Variants in STPG2 observed in about 807,000 individuals in gnomAD.
The protein encoded by STPG2 is sperm-tail PG-rich repeat-containing protein 2.
Under a neutral mutation model 54.2 loss-of-function variants are expected in STPG2, and 56 were observed. The observed-to-expected ratio is 1.03, with a 90% CI of 0.83 to 1.29. The LOEUF is 1.29. STPG2 is among the 50% of genes most tolerant of loss of function. The probability of loss-of-function intolerance (pLI) is 0.00; values close to 1 mark genes in which losing one functional copy is unlikely to be tolerated. For synonymous variants in STPG2, 200 were observed against 181.8 expected, an observed-to-expected ratio of 1.10 and a Z score of -0.81; for missense variants, 596 against 544.9, an observed-to-expected ratio of 1.09 and a Z score of -0.93.
At chr4:97,812,450 T>G (rs1049153215) in intron 9 of STPG2, among the ~76,000 whole-genome samples, 2 of 152,152 alleles carry the variant, frequency 1.3e-5, no homozygotes, top group Admixed American at 1.3e-4. Context: ...TAAAATTGGA[T>G]ATCATAAAGT....
chr4:97,690,481 A>G (rs1331577104), intron 10 of STPG2, among the ~76,000 whole-genome samples: 4 of 152,150 alleles, frequency 2.6e-5, no homozygotes, highest in Non-Finnish European at 5.9e-5. Flanking sequence ...TCCTATGTAT[A>G]TAAACTGAGG....
At chr4:97,809,340 A>G (rs1348082664) in intron 9 of STPG2, among the ~76,000 whole-genome samples, 1 of 152,186 alleles carries the variant, frequency 6.6e-6, no homozygotes, top group Non-Finnish European at 1.5e-5. Flanking sequence ...GCAGAATTCT[A>G]AAGAAACCCC....
intron 10 of STPG2, among the ~76,000 whole-genome samples, chr4:97,645,478 C>T (rs1303085843): frequency 1.3e-5 from 2 of 152,100 alleles, no homozygotes; most frequent in African/African-American, 4.8e-5. Context: ...ATCAGAGTTG[C>T]AAATACTGTA....
intron 8 of STPG2, among the ~76,000 whole-genome samples, chr4:97,904,513 A>G (rs939546708): frequency 6.6e-6 from 1 of 152,384 alleles, no homozygotes; most frequent in Non-Finnish European, 1.5e-5. Flanking sequence ...AAAAAACAGA[A>G]CAGAAAAACT....
intron 9 of STPG2, among the ~76,000 whole-genome samples, chr4:97,832,518 C>T (rs1728500957): frequency 6.6e-6 from 1 of 152,062 alleles, no homozygotes; most frequent in Admixed American, 6.6e-5. Flanking sequence ...CTGGCCAGGG[C>T]AATCAGGCAA....
At position 98,040,881 on chromosome 4, in the gene STPG2, G is replaced by A. The variant is rs1736932620; in HGVS notation, c.613-59563C>T. Among the ~76,000 whole-genome samples, 2 of 151,738 alleles carry A rather than the reference G, an allele frequency of 1.3e-5. 1 individual carries two copies. Among genetic ancestry groups the A allele is most frequent in the South Asian group, 4.1e-4 (2 of 4,828 alleles). On this transcript the variant is annotated intron_variant, in intron 5 of 10. Transcript: ENST00000295268. Reference sequence around the variant, plus strand: ...AAAAACGACATTGGTATTTTGACAGGAATTGCATTAAATCTGTAGACTGCT... The same window carrying A: ...AAAAACGACATTGGTATTTTGACAGAAATTGCATTAAATCTGTAGACTGCT...
At position 97,868,948 on chromosome 4, in the gene STPG2, A is replaced by T. The variant is rs145308530; in HGVS notation, c.1045-28016T>A. On this transcript the variant is annotated intron_variant, in intron 8 of 10. Coordinates refer to ENST00000295268, the MANE Select transcript of STPG2 (RefSeq NM_174952.3). ...AGTAAGAGAAATTTCGAGTTATCTT[A>T]TCTCACATTATGCCAGAACCAGAAG... Among the ~76,000 whole-genome samples, 162 of 152,086 alleles carry T rather than the reference A, an allele frequency of 1.1e-3. 3 individuals carry two copies. In the East Asian group the frequency reaches 0.027, roughly 25 times the overall value.
rs575859499 is a variant in STPG2, at chr4:97,551,659, G to A, written c.462+161040C>T. Among the ~76,000 whole-genome samples the A allele has an allele frequency of 3.2e-4, 49 of 152,222 alleles. 1 individual carries two copies. The highest frequency in any genetic ancestry group is 1.1e-3 in the African/African-American group (46 of 41,532). On this transcript the variant is annotated intron_variant, in intron 4 of 4. Transcript: ENST00000522676. ...AAGGGAAACCTAAATTCTAGTCTCC[G>A]CTTTCTAATTGATAACTATATGACT...
intron 8 of STPG2, among the ~76,000 whole-genome samples, chr4:97,927,558 T>A (rs1366119570): frequency 6.6e-6 from 1 of 152,152 alleles, no homozygotes; most frequent in South Asian, 2.1e-4. Context: ...AAAAAAGTTA[T>A]ATACCTTATA....
chr4:97,920,558 T>A (rs1481042038), intron 8 of STPG2, among the ~76,000 whole-genome samples: 1 of 152,108 alleles, frequency 6.6e-6, no homozygotes, highest in Admixed American at 6.5e-5. Context: ...TTAATAATTT[T>A]ATCTCCTTAT....
At chr4:97,797,964 T>C (rs1267520675) in intron 9 of STPG2, among the ~76,000 whole-genome samples, 1 of 152,208 alleles carries the variant, frequency 6.6e-6, no homozygotes, top group Non-Finnish European at 1.5e-5. Context: ...GATTTTCTAG[T>C]TTATTTGCAT....
At chr4:97,552,473 G>A (rs1416204395) in intron 4 of STPG2, among the ~76,000 whole-genome samples, 1 of 151,862 alleles carries the variant, frequency 6.6e-6, no homozygotes, top group Non-Finnish European at 1.5e-5. Flanking sequence ...GTTTTCATCA[G>A]GTTTAATTCT....
At chr4:97,727,446 C>T (rs895368725) in intron 9 of STPG2, among the ~76,000 whole-genome samples, 3 of 151,736 alleles carry the variant, frequency 2.0e-5, no homozygotes, top group East Asian at 1.9e-4. Context: ...AAGATGACAA[C>T]GTTTATTTTA....
chr4:97,559,346 C>T (rs1336527311), intron 10 of STPG2, among the ~76,000 whole-genome samples: 2 of 151,940 alleles, frequency 1.3e-5, no homozygotes, highest in African/African-American at 4.8e-5. Flanking sequence ...AAGTCTAGTA[C>T]TTTTATTTTT....
intron 10 of STPG2, among the ~76,000 whole-genome samples, chr4:97,678,847 T>A (rs187526190): frequency 6.7e-6 from 1 of 148,632 alleles, no homozygotes; most frequent in Non-Finnish European, 1.5e-5. Flanking sequence ...CATTGTTCAA[T>A]TCCCACCTAT....
intron 5 of STPG2, among the ~76,000 whole-genome samples, chr4:98,057,173 C>G (rs1191175557): frequency 6.6e-6 from 1 of 152,184 alleles, no homozygotes; most frequent in Non-Finnish European, 1.5e-5. Context: ...CACATCACCT[C>G]TCCAGCAAGG....
chr4:97,850,449 T>C (rs1477526577), intron 8 of STPG2, among the ~76,000 whole-genome samples: 1 of 145,944 alleles, frequency 6.9e-6, no homozygotes, highest in Non-Finnish European at 1.5e-5. Context: ...GTTGAAGTAA[T>C]TTTACCATTT....
chr4:97,673,267 A>G (rs1263001676), intron 10 of STPG2, among the ~76,000 whole-genome samples: 11 of 152,348 alleles, frequency 7.2e-5, no homozygotes, highest in Admixed American at 3.9e-4. Flanking sequence ...TTAAACAAAA[A>G]GTAGGTATTC....
chr4:97,740,270 A>C (rs929025059), intron 9 of STPG2, among the ~76,000 whole-genome samples: 1 of 152,240 alleles, frequency 6.6e-6, no homozygotes, highest in African/African-American at 2.4e-5. Context: ...CTGAATGGGC[A>C]AAAACTGGAA....
Sources: allele counts gnomAD v4.1 joint callset (sites outside exome capture counted in the v4.1 genomes callset), GRCh38; gene constraint gnomAD v4.1.1; transcripts MANE v1.5; gene names NCBI Gene and HGNC (gene_info 2026-07-23, HGNC 2026-07-21).